Variants in CTIF observed in about 807,000 individuals in gnomAD.
CTIF encodes cap binding complex dependent translation initiation factor.
CTIF carries 21 observed loss-of-function variants against 66.0 expected under a neutral mutation model. The observed-to-expected ratio is 0.32, with a 90% CI of 0.23 to 0.46. CTIF has a LOEUF of 0.46. CTIF is among the 20% of genes least tolerant of loss of function. The pLI, the probability that CTIF is intolerant of heterozygous loss-of-function variation, is 1.00. For missense variants in CTIF, 739 were observed against 812.7 expected, an observed-to-expected ratio of 0.91 and a Z score of 1.10; for synonymous variants, 345 against 326.4, an observed-to-expected ratio of 1.06 and a Z score of -0.62.
At chr18:48,663,074 G>A (rs952064094) in intron 3 of CTIF, among the ~76,000 whole-genome samples, 5 of 152,132 alleles carry the variant, frequency 3.3e-5, no homozygotes, top group Non-Finnish European at 5.9e-5. Context: ...AGGTGGATGT[G>A]GAAGTATTGT....
chr18:48,670,489 C>G, intron 5 of CTIF, 180 bp from the exon 6 acceptor site: 1 of 557,278 alleles, frequency 1.8e-6, no homozygotes, highest in South Asian at 2.0e-5. Context: ...GGGAGGACCC[C>G]CCCCCCACAC....
intron 7 of CTIF, among the ~76,000 whole-genome samples, chr18:48,726,024 T>C (rs1425703245): frequency 2.0e-5 from 3 of 152,200 alleles, no homozygotes; most frequent in Non-Finnish European, 4.4e-5. Flanking sequence ...CCTTCACCTC[T>C]TTGAGGCATG....
rs913289558 is a variant in CTIF at position 48,861,085 on chromosome 18, C to T, written c.*1526C>T. On this transcript the variant is annotated 3_prime_UTR_variant, in exon 12 of 12. Transcript: ENST00000256413. ...GAGGCCCCTCTTGGTCCACACTGGA[C>T]TGGCCGGGAGGTGATGGGCGGGGAA... 6.6e-6 allele frequency: 1 copy of T among 152,386 alleles called. No individual in the cohort carries two copies. The highest frequency in any genetic ancestry group is 6.5e-5 in the Admixed American group (1 of 15,282). The allele number at this position is 152,386 out of a possible 1,614,324, so 9.4% of individuals were successfully genotyped here.
At chr18:48,606,076 T>C (rs1024143280) in intron 1 of CTIF, among the ~76,000 whole-genome samples, 1 of 152,234 alleles carries the variant, frequency 6.6e-6, no homozygotes, top group African/African-American at 2.4e-5. Context: ...GTAATCGGGC[T>C]TTATGTTCTA....
intron 1 of CTIF, among the ~76,000 whole-genome samples, chr18:48,542,939 G>A (rs1015239616): frequency 8.5e-5 from 13 of 152,204 alleles, no homozygotes; most frequent in Admixed American, 5.9e-4. Context: ...GATGTTCTCC[G>A]TGGTCCCGCC....
Position 48,761,996 on chromosome 18 carries a change from T to C in CTIF, c.1371+307T>C, listed in dbSNP as rs4939561. Among the ~76,000 whole-genome samples, 60,080 of 152,078 alleles carry C rather than the reference T, an allele frequency of 0.4. 12,499 individuals carry two copies. The highest frequency in any genetic ancestry group is 0.74 in the East Asian group (3,826 of 5,166). On this transcript the variant is annotated intron_variant, in intron 9 of 11. Coordinates refer to ENST00000256413, the MANE Select transcript of CTIF (RefSeq NM_014772.3). The surrounding 1 kb of genome is among the most constrained non-coding windows in gnomAD (Gnocchi z 4.2). ...GGCTGGCTCTTGGTCTCAACCTGGC[T>C]ATGTGCTTTGACCTCTCTACATCCA...
chr18:48,609,900 G>C (rs141748385), intron 1 of CTIF, among the ~76,000 whole-genome samples: 2,335 of 152,318 alleles, frequency 0.015, 29 homozygotes, highest in Middle Eastern at 0.031. Flanking sequence ...GACCTTGAGG[G>C]TGTGGGGGGC....
At chr18:48,632,555 TC>T (rs1005794896) in intron 2 of CTIF, among the ~76,000 whole-genome samples, 1 of 152,024 alleles carries the variant, frequency 6.6e-6, no homozygotes, top group South Asian at 2.1e-4. Flanking sequence ...CTTCCCCACT[TC>T]CCCCCTGGGC....
intron 10 of CTIF, among the ~76,000 whole-genome samples, chr18:48,835,673 G>A: frequency 6.6e-6 from 1 of 152,124 alleles, no homozygotes; most frequent in Non-Finnish European, 1.5e-5. Context: ...CCCCATGAGT[G>A]GCCTTGGGCA....
intron 1 of CTIF, among the ~76,000 whole-genome samples, chr18:48,561,902 CCCAATG>C (rs1346253236): frequency 6.6e-6 from 1 of 152,190 alleles, no homozygotes; most frequent in African/African-American, 2.4e-5. Context: ...CTAACTCCAG[CCCAATG>C]CCTGTTTTTC....
intron 1 of CTIF, among the ~76,000 whole-genome samples, chr18:48,556,645 A>G (rs2089028934): frequency 6.6e-6 from 1 of 151,864 alleles, no homozygotes; most frequent in South Asian, 2.1e-4. Context: ...GCTCACTGCA[A>G]CCTCTTCGTC....
rs778002963 is a variant in CTIF, at chr18:48,859,749, A to G, written c.*190A>G. On this transcript the variant is annotated 3_prime_UTR_variant, in exon 12 of 12. Transcript: ENST00000256413. ...TCCCTGAGAGGAGTGCCCCCGCACA[A>G]GCCCCCCAGCCCGAGCATGCAAGCT... 1.6e-5 allele frequency: 11 copies of G among 697,928 alleles called. No individual in the cohort carries two copies. The highest frequency in any genetic ancestry group is 2.9e-5 in the Non-Finnish European group (11 of 382,652). 43.2% of individuals were successfully genotyped at this position (697,928 alleles called of 1,614,324 possible). A position where few individuals can be genotyped will look rare whatever the true frequency, so the allele number is the denominator to read the frequency against.
At chr18:48,600,137 T>C (rs1281003954) in intron 1 of CTIF, among the ~76,000 whole-genome samples, 1 of 152,148 alleles carries the variant, frequency 6.6e-6, no homozygotes, top group African/African-American at 2.4e-5. Context: ...CCTGAGTGTG[T>C]GCAGAGTCTG....
intron 7 of CTIF, among the ~76,000 whole-genome samples, chr18:48,745,895 G>A (rs75482076): frequency 0.046 from 6,945 of 152,304 alleles, 243 homozygotes; most frequent in Middle Eastern, 0.1. Flanking sequence ...CACCAGCCCT[G>A]GCTCAAAAAC....
In CTIF at chr18:48,703,533, A is replaced by G. The variant is rs537706816; in HGVS notation, c.508-8086A>G. Among the ~76,000 whole-genome samples, 12 of 152,348 alleles carry G rather than the reference A, an allele frequency of 7.9e-5. No individual in the cohort carries two copies. The South Asian group carries it at 2.5e-3, about 32-fold the overall frequency. Reference sequence around the variant, plus strand: ...TTCTTCCTTTTCAAAAAGCTGCTGTATGGGAGAGAGAGAGATAATAGACCT... The same window carrying G: ...TTCTTCCTTTTCAAAAAGCTGCTGTGTGGGAGAGAGAGAGATAATAGACCT... On this transcript the variant is annotated intron_variant, in intron 6 of 11. Transcript: ENST00000256413.
chr18:48,722,283 A>C (rs1284518015), intron 7 of CTIF, among the ~76,000 whole-genome samples: 1 of 140,768 alleles, frequency 7.1e-6, no homozygotes, highest in Non-Finnish European at 1.5e-5. Context: ...TGGCACAATT[A>C]TAGCTCACGA....
intron 9 of CTIF, among the ~76,000 whole-genome samples, chr18:48,806,596 T>C (rs1197506320): frequency 3.3e-5 from 5 of 152,168 alleles, no homozygotes; most frequent in African/African-American, 1.2e-4. Context: ...GTAAAAAATA[T>C]ATGCATCATA....
chr18:48,733,253 CTG>C (rs1241073199), intron 7 of CTIF, among the ~76,000 whole-genome samples: 1 of 151,544 alleles, frequency 6.6e-6, no homozygotes, highest in Non-Finnish European at 1.5e-5. Context: ...AAGTGGGAAA[CTG>C]TGTGGGAGGG....
chr18:48,765,012 C>G (rs980281578), intron 9 of CTIF, among the ~76,000 whole-genome samples: 2 of 152,240 alleles, frequency 1.3e-5, no homozygotes, highest in Non-Finnish European at 2.9e-5. Flanking sequence ...TGTGCCTTCT[C>G]TCTGCAGCCA....
Sources: allele counts gnomAD v4.1 joint callset (sites outside exome capture counted in the v4.1 genomes callset), GRCh38; gene constraint gnomAD v4.1.1; non-coding constraint Gnocchi (gnomAD v3.1); transcripts MANE v1.5; gene names NCBI Gene and HGNC (gene_info 2026-07-23, HGNC 2026-07-21).